Variants in PLCD3 observed in about 807,000 individuals in gnomAD.
PLCD3 encodes 1-phosphatidylinositol 4,5-bisphosphate phosphodiesterase delta-3.
Under a neutral mutation model 82.8 loss-of-function variants are expected in PLCD3, and 62 were observed. The ratio of observed to expected loss-of-function variants is 0.75; its 90% CI spans 0.61 to 0.93. The LOEUF (loss-of-function observed/expected upper bound fraction) is 0.93, where lower values mean the gene tolerates loss of function less well. Ranked by LOEUF, PLCD3 falls within the 40% of genes least tolerant of loss-of-function variation. PLCD3 has a pLI of 0.00. For missense variants in PLCD3, 1,023 were observed against 1,103.4 expected, an observed-to-expected ratio of 0.93 and a Z score of 1.03; for synonymous variants, 478 against 471.8, an observed-to-expected ratio of 1.01 and a Z score of -0.17.
At chr17:45,117,320 C>T (rs994841704) in intron 7 of PLCD3, among the ~76,000 whole-genome samples, 3 of 152,144 alleles carry the variant, frequency 2.0e-5, no homozygotes, top group Non-Finnish European at 4.4e-5. Context: ...CAGTCAGTCT[C>T]CCTGTGTTCT....
At chr17:45,126,654 G>C (rs1297352308) in intron 1 of PLCD3, among the ~76,000 whole-genome samples, 2 of 149,426 alleles carry the variant, frequency 1.3e-5, no homozygotes, top group African/African-American at 4.9e-5. Context: ...GGAAACCATT[G>C]TATACTTTTT....
chr17:45,126,124 A>G (rs1402588394), intron 1 of PLCD3, among the ~76,000 whole-genome samples: 2 of 151,058 alleles, frequency 1.3e-5, no homozygotes, highest in Non-Finnish European at 2.9e-5. Context: ...GCTCACTGCA[A>G]GCTCCGCCTC....
At chr17:45,115,005 C>A in intron 10 of PLCD3, 89 bp downstream of exon 10, 5 of 1,493,636 alleles carry the variant, frequency 3.3e-6, no homozygotes, top group Non-Finnish European at 3.6e-6. Context: ...TCTTTACTGT[C>A]CCCCAAAGCC....
rs962539626 is a variant in PLCD3, at chr17:45,121,057, G to A, written c.399C>T (p.Phe133=). The A allele has an allele frequency of 3.2e-6, 5 of 1,541,474 alleles. No homozygotes were observed. The highest frequency in any genetic ancestry group is 2.8e-5 in the African/African-American group (2 of 72,392). Residue 133 remains phenylalanine, a synonymous_variant, in exon 3 of 15, where the codon TTC becomes TTT. Transcript: ENST00000619929. ...SEGLRRFGGA[F]APARCLTIAF... The stretch of plus-strand genomic sequence containing the variant: ...CGATGGTGAGGCAGCGCGCTGGCGC[G>A]AAGGCACCCCCGAAGCGCCGCAGGC...
chr17:45,118,995 C>G lies in PLCD3; in HGVS notation c.733G>C (p.Glu245Gln). 3 of 1,612,612 alleles carry G rather than the reference C, an allele frequency of 1.9e-6. No individual in the cohort carries two copies. Among genetic ancestry groups the G allele is most frequent in the Non-Finnish European group, 2.5e-6 (3 of 1,179,656 alleles). Residue 245 changes from glutamate to glutamine, a missense_variant, in exon 5 of 15, where the codon GAG becomes CAG. Transcript: ENST00000619929. This position sits in a 1 kb window ranked among gnomAD's most constrained non-coding sequence, Gnocchi z 4.1. ...CGCTTCAGCAGCCGCCGCAGGAACT[C>G]CTCGATCTCAGCCCCCTCTAGACGG... is the stretch of plus-strand genomic sequence containing the variant. ...NDRLEGAEIE[E>Q]FLRRLLKRPE...
intron 3 of PLCD3, 86 bp from the exon 4 acceptor site, chr17:45,120,540 C>T (rs1277855161): frequency 1.9e-6 from 3 of 1,568,012 alleles, no homozygotes; most frequent in South Asian, 2.3e-5. Flanking sequence ...CCACCTGGGT[C>T]TGGGGGATCC....
At chr17:45,129,457 G>T (rs1016071950) in intron 1 of PLCD3, among the ~76,000 whole-genome samples, 2 of 152,158 alleles carry the variant, frequency 1.3e-5, no homozygotes, top group Non-Finnish European at 2.9e-5. Flanking sequence ...GACAGAATGA[G>T]ACCCTGTCTC....
At chr17:45,127,972 C>A (rs1015349284) in intron 1 of PLCD3, among the ~76,000 whole-genome samples, 2 of 152,094 alleles carry the variant, frequency 1.3e-5, no homozygotes, top group Non-Finnish European at 2.9e-5. Context: ...TGGCCAAGGC[C>A]GAGCAGGGAG....
chr17:45,112,742 AC>A, intron 14 of PLCD3, 38 bp from the exon 15 acceptor site: 1 of 1,591,980 alleles, frequency 6.3e-7, no homozygotes. Flanking sequence ...TCCTCTGTGC[AC>A]CCTGGGGGTC....
In PLCD3 at chr17:45,121,187, GCCCGGCGCTC is replaced by G; in HGVS notation, c.325+14_325+23del. ...CGGGCCTGTCCCCACCTCCCTGTCCGCCCGGCGCTCCCCGGCCTCTCACAGATGTGCTGCG... is the reference window on the plus strand; with the variant it reads ...CGGGCCTGTCCCCACCTCCCTGTCCGCCCGGCCTCTCACAGATGTGCTGCG... On this transcript the variant is annotated intron_variant, in intron 2 of 14. Transcript: ENST00000619929. 1 of 1,550,220 alleles carries G rather than the reference GCCCGGCGCTC, an allele frequency of 6.5e-7. No individual in the cohort carries two copies. The highest frequency in any genetic ancestry group is 8.6e-7 in the Non-Finnish European group (1 of 1,157,032).
rs1349930693 is a variant in PLCD3, at chr17:45,121,453, C to A, written c.164-81G>T. 2.8e-6 allele frequency: 4 copies of A among 1,413,346 alleles called. No individual in the cohort carries two copies. The East Asian group carries it at 8.1e-5, about 29-fold the overall frequency. 87.6% of individuals were successfully genotyped at this position (1,413,346 alleles called of 1,614,324 possible). ...GCCCTCCCCCGCTAGGACCTGCTGC[C>A]CCATCCTCCAGCCTCTCCAAACCCA... On this transcript the variant is annotated intron_variant, in intron 1 of 14. Coordinates refer to ENST00000619929, the MANE Select transcript of PLCD3 (RefSeq NM_133373.5).
intron 1 of PLCD3, among the ~76,000 whole-genome samples, chr17:45,123,136 A>T (rs114365259): frequency 1.3e-5 from 2 of 152,046 alleles, no homozygotes; most frequent in Non-Finnish European, 2.9e-5. Flanking sequence ...GGCTTGCCCA[A>T]TTGCAAATTC....
chr17:45,128,708 G>C (rs1021869451), intron 1 of PLCD3, among the ~76,000 whole-genome samples: 1 of 152,258 alleles, frequency 6.6e-6, no homozygotes, highest in Non-Finnish European at 1.5e-5. Context: ...TGGGGACACA[G>C]GGTGGCCAGA....
At chr17:45,115,272 G>A in intron 9 of PLCD3, 28 bp from the exon 10 acceptor site, 2 of 1,533,142 alleles carry the variant, frequency 1.3e-6, no homozygotes, top group South Asian at 1.2e-5. Context: ...GCGGGGTTCA[G>A]CTGGCCCCCG....
Position 45,118,588 on chromosome 17 carries a change from C to T in PLCD3, c.914-96G>A. The T allele has an allele frequency of 7.2e-7, 1 of 1,391,630 alleles. No homozygotes were observed. 86.2% of individuals were successfully genotyped at this position (1,391,630 alleles called of 1,614,324 possible). Reference sequence around the variant, plus strand: ...GGCCCACTCAGCTTAGGAATAATGACTAGACAATCTACTGACTAGACTCCA... The same window carrying T: ...GGCCCACTCAGCTTAGGAATAATGATTAGACAATCTACTGACTAGACTCCA... On this transcript the variant is annotated intron_variant, in intron 5 of 14. Coordinates refer to ENST00000619929, the MANE Select transcript of PLCD3 (RefSeq NM_133373.5). This position sits in a 1 kb window ranked among gnomAD's most constrained non-coding sequence, Gnocchi z 4.1.
In PLCD3 at chr17:45,112,963, C is replaced by T. The variant is rs766154877; in HGVS notation, c.2181G>A (p.Pro727=). 5.5e-5 allele frequency: 88 copies of T among 1,612,058 alleles called. No individual in the cohort carries two copies. Among genetic ancestry groups the T allele is most frequent in the Non-Finnish European group, 6.9e-5 (81 of 1,178,984 alleles). ...GQTLQFQLRA[P]ELALVRFVVE... is the part of the protein sequence containing the mutation. Reference sequence around the variant, plus strand: ...CCACAAACCGGACCAGTGCCAGCTCCGGAGCCCGCAGCTGGAACTGCAGGG... The same window carrying T: ...CCACAAACCGGACCAGTGCCAGCTCTGGAGCCCGCAGCTGGAACTGCAGGG... Residue 727 remains proline (P), a synonymous_variant, in exon 14 of 15, where the codon CCG becomes CCA. Transcript: ENST00000619929.
intron 1 of PLCD3, among the ~76,000 whole-genome samples, chr17:45,123,588 G>T (rs2054358435): frequency 6.6e-6 from 1 of 152,156 alleles, no homozygotes; most frequent in Non-Finnish European, 1.5e-5. Context: ...GCAGGTCAGG[G>T]TTTCTCAACC....
intron 1 of PLCD3, among the ~76,000 whole-genome samples, chr17:45,127,881 T>C (rs1456379989): frequency 2.0e-5 from 3 of 151,514 alleles, no homozygotes; most frequent in African/African-American, 7.3e-5. Flanking sequence ...CAGGGGGAAA[T>C]AGGCGGCTCG....
chr17:45,119,120 C>A lies in PLCD3; in HGVS notation c.685-77G>T, dbSNP rs2054317362. The A allele has an allele frequency of 7.8e-6, 9 of 1,152,014 alleles. No individual in the cohort carries two copies. The South Asian group carries it at 1.2e-4, about 15-fold the overall frequency. 71.4% of individuals were successfully genotyped at this position (1,152,014 alleles called of 1,614,324 possible). ...GCCCCTTTGACCCATCTGTCATCTA[C>A]CACATCTGAGAAGGCAATGGTCCCC... On this transcript the variant is annotated intron_variant, in intron 4 of 14. Transcript: ENST00000619929.
Sources: gnomAD v4.1 joint callset for allele counts (sites outside exome capture counted in the v4.1 genomes callset) on GRCh38, gnomAD v4.1.1 for gene constraint, Gnocchi (gnomAD v3.1) non-coding constraint, MANE v1.5 for transcripts, NCBI Gene and HGNC (gene_info 2026-07-23, HGNC 2026-07-21) for gene names.